The following SPATA17 variants were observed in gnomAD, a reference collection of about 807,000 sequenced individuals.
SPATA17 encodes spermatogenesis-associated protein 17.
A neutral mutation model predicts 62.2 loss-of-function variants in SPATA17; 53 were observed. The observed-to-expected ratio is 0.85, with a 90% CI of 0.68 to 1.07. The LOEUF is 1.07. Among genes scored for constraint, SPATA17 ranks in the 50% least tolerant of loss-of-function variants. SPATA17 has a pLI of 0.00. For missense variants in SPATA17, 466 were observed against 425.5 expected (o/e 1.10, Z -0.84); for synonymous variants, 146 against 146.8 (o/e 0.99, Z 0.04).
At chr1:217,716,091 T>G (rs1671997407) in intron 5 of SPATA17, among the ~76,000 whole-genome samples, 1 of 152,152 alleles carries the variant, frequency 6.6e-6, no homozygotes, top group African/African-American at 2.4e-5. Context: ...TTAAATAATC[T>G]TGCTCTGGCA....
rs772589206 is a variant in SPATA17 at position 217,871,675 on chromosome 1, G to A, written c.*4656G>A. On this transcript the variant is annotated 3_prime_UTR_variant, in exon 11 of 11. Transcript: ENST00000366933. ...CTGTTTAGGTTGTTCTATTTTCCACGGATTAAATTAAATTCTATGTATCTA... is the reference window on the plus strand; with the variant it reads ...CTGTTTAGGTTGTTCTATTTTCCACAGATTAAATTAAATTCTATGTATCTA... The A allele has an allele frequency of 3.9e-5, 6 of 151,976 alleles. No homozygotes were observed. The highest frequency in any genetic ancestry group is 8.8e-5 in the Non-Finnish European group (6 of 67,998). The allele number at this position is 151,976 out of a possible 1,614,324, so 9.4% of individuals were successfully genotyped here. A position where few individuals can be genotyped will look rare whatever the true frequency, so the allele number is the denominator to read the frequency against.
chr1:217,700,303 T>C (rs954002141), intron 5 of SPATA17, among the ~76,000 whole-genome samples: 30 of 152,220 alleles, frequency 2.0e-4, no homozygotes, highest in African/African-American at 7.2e-4. Flanking sequence ...ATTGATATTG[T>C]ACATGTGTGT....
intron 6 of SPATA17, among the ~76,000 whole-genome samples, chr1:217,767,767 C>G (rs1368955697): frequency 6.6e-6 from 1 of 152,132 alleles, no homozygotes; most frequent in Non-Finnish European, 1.5e-5. Flanking sequence ...ATTCATTAAG[C>G]CCTTAGCATA....
intron 1 of SPATA17, among the ~76,000 whole-genome samples, chr1:217,647,693 C>A (rs965523118): frequency 6.6e-6 from 1 of 151,866 alleles, no homozygotes; most frequent in Admixed American, 6.6e-5. Context: ...AATATGATGC[C>A]AGAATTCACT....
At chr1:217,770,942 T>G (rs73097218) in intron 6 of SPATA17, among the ~76,000 whole-genome samples, 1,466 of 140,532 alleles carry the variant, frequency 0.01, 22 homozygotes, top group African/African-American at 0.035. Context: ...AGGGGGGAAT[T>G]CAAGAAAAAT....
intron 9 of SPATA17, among the ~76,000 whole-genome samples, chr1:217,826,143 G>C (rs1674997322): frequency 6.6e-6 from 1 of 152,074 alleles, no homozygotes; most frequent in South Asian, 2.1e-4. Flanking sequence ...CTCAGGGTCA[G>C]TTTCTGGTGA....
chr1:217,790,868 G>A (rs1228638086), intron 8 of SPATA17, among the ~76,000 whole-genome samples: 1 of 152,172 alleles, frequency 6.6e-6, no homozygotes, highest in East Asian at 1.9e-4. Flanking sequence ...TTACAATGTG[G>A]CATACACGGG....
intron 1 of SPATA17, among the ~76,000 whole-genome samples, chr1:217,632,762 ATACT>A (rs1264470232): frequency 6.6e-6 from 1 of 152,250 alleles, no homozygotes; most frequent in African/African-American, 2.4e-5. Context: ...TTAAGTAAAC[ATACT>A]AACAATAGCT....
intron 6 of SPATA17, among the ~76,000 whole-genome samples, chr1:217,752,917 G>T (rs974396802): frequency 6.6e-6 from 1 of 152,070 alleles, no homozygotes; most frequent in Non-Finnish European, 1.5e-5. Flanking sequence ...TTTTGGGATT[G>T]CTAACAAATA....
chr1:217,712,940 C>T (rs1169397336), intron 5 of SPATA17, among the ~76,000 whole-genome samples: 1 of 152,156 alleles, frequency 6.6e-6, no homozygotes, highest in African/African-American at 2.4e-5. Flanking sequence ...CTCCCCGAAC[C>T]TTGGCCATGA....
intron 5 of SPATA17, among the ~76,000 whole-genome samples, chr1:217,696,184 A>G (rs1220828342): frequency 1.3e-5 from 2 of 152,158 alleles, no homozygotes; most frequent in Non-Finnish European, 2.9e-5. Flanking sequence ...GGTGTGGGAT[A>G]TAGTCTCGTG....
chr1:217,726,480 C>G (rs1672259128), intron 5 of SPATA17, among the ~76,000 whole-genome samples: 1 of 152,078 alleles, frequency 6.6e-6, no homozygotes, highest in African/African-American at 2.4e-5. Context: ...CTTTATAAAC[C>G]CTCTTGGCTG....
chr1:217,721,312 G>A (rs1215525762), intron 5 of SPATA17, among the ~76,000 whole-genome samples: 1 of 152,136 alleles, frequency 6.6e-6, no homozygotes. Context: ...GGGGGCTTAT[G>A]TTACTGGTGG....
rs186621902 is a variant in SPATA17, at chr1:217,684,272, G to A, written c.395+911G>A. 5.3e-5 allele frequency among the ~76,000 whole-genome samples: 8 copies of A among 152,146 alleles called. No individual in the cohort carries two copies. The East Asian group carries it at 1.5e-3, about 29-fold the overall frequency. On this transcript the variant is annotated intron_variant, in intron 5 of 10. Coordinates refer to ENST00000366933, the MANE Select transcript of SPATA17 (RefSeq NM_138796.4). ...AAATAGTTTTTTCCTCCTGTGATAT[G>A]CCCCATTCTAATAACATATAAATGA... is the stretch of plus-strand genomic sequence containing the variant.
At position 217,855,729 on chromosome 1, in the gene SPATA17, A is replaced by ATTTTTTT. The variant is rs3081687; in HGVS notation, c.1006-7035_1006-7029dup. ...AAATAAGAGAAAGACAGAAGGAACT[A>ATTTTTTT]TTTTTTTTTTTTTTTTGAGATGGAG... On this transcript the variant is annotated intron_variant, in intron 9 of 10. Transcript: ENST00000366933. Among the ~76,000 whole-genome samples the ATTTTTTT allele has an allele frequency of 8.9e-4, 115 of 128,856 alleles. 5 individuals are homozygous for ATTTTTTT. The highest frequency in any genetic ancestry group is 4.2e-3 in the Middle Eastern group (1 of 238). 84.5% of individuals were successfully genotyped at this position (128,856 alleles called of 152,430 possible).
chr1:217,812,025 T>C (rs1674604068), intron 9 of SPATA17, among the ~76,000 whole-genome samples: 1 of 152,194 alleles, frequency 6.6e-6, no homozygotes, highest in African/African-American at 2.4e-5. Flanking sequence ...CTTATGGTTC[T>C]TCTATGGCAA....
At chr1:217,631,550 A>AT (rs1669774609) in intron 1 of SPATA17, 104 bp downstream of exon 1, 1 of 1,183,646 alleles carries the variant, frequency 8.4e-7, no homozygotes, top group Admixed American at 1.9e-5. Flanking sequence ...ACCCTAATTC[A>AT]TTAAGTAGTA....
chr1:217,713,662 C>A (rs897745717), intron 5 of SPATA17, among the ~76,000 whole-genome samples: 1 of 152,140 alleles, frequency 6.6e-6, no homozygotes, highest in Non-Finnish European at 1.5e-5. Flanking sequence ...CATCTTTGAT[C>A]CCTCACCTAA....
chr1:217,636,506 A>G (rs1669946424), intron 1 of SPATA17, among the ~76,000 whole-genome samples: 1 of 152,076 alleles, frequency 6.6e-6, no homozygotes, highest in African/African-American at 2.4e-5. Context: ...TCTGCCTCCC[A>G]GGTTCAGCAG....
Sources: gnomAD v4.1 joint callset for allele counts (sites outside exome capture counted in the v4.1 genomes callset) on GRCh38, gnomAD v4.1.1 for gene constraint, MANE v1.5 for transcripts, NCBI Gene and HGNC (gene_info 2026-07-23, HGNC 2026-07-21) for gene names.